Variants in FRMD5 observed in about 807,000 individuals in gnomAD.
FRMD5 encodes FERM domain-containing protein 5.
FRMD5 carries 20 observed loss-of-function variants against 69.0 expected under a neutral mutation model. That is an observed-to-expected ratio of 0.29 (90% CI 0.20 to 0.42). The LOEUF is 0.42. Ranked by LOEUF, FRMD5 falls within the 10% of genes least tolerant of loss-of-function variation. The probability of loss-of-function intolerance (pLI) is 1.00; values close to 1 mark genes in which losing one functional copy is unlikely to be tolerated. For synonymous variants in FRMD5, 271 were observed against 260.1 expected, an observed-to-expected ratio of 1.04 and a Z score of -0.40; for missense variants, 595 against 708.6, an observed-to-expected ratio of 0.84 and a Z score of 1.82.
At chr15:44,030,749 G>C (rs1891643429) in intron 1 of FRMD5, among the ~76,000 whole-genome samples, 1 of 152,144 alleles carries the variant, frequency 6.6e-6, no homozygotes, top group Non-Finnish European at 1.5e-5. Context: ...GGCATGGTTT[G>C]ACTCTGTCTC....
intron 1 of FRMD5, among the ~76,000 whole-genome samples, chr15:44,068,285 G>T (rs557535003): frequency 6.6e-6 from 1 of 152,060 alleles, no homozygotes; most frequent in Admixed American, 6.6e-5. Context: ...ACAAACTTGC[G>T]CACAAATGTT....
At chr15:43,916,476 G>A (rs1438814590) in intron 4 of FRMD5, among the ~76,000 whole-genome samples, 1 of 152,186 alleles carries the variant, frequency 6.6e-6, no homozygotes, top group Non-Finnish European at 1.5e-5. Flanking sequence ...ATCTGGCAAC[G>A]AAATATTGAG....
At chr15:43,951,850 C>T (rs770159108) in intron 1 of FRMD5, among the ~76,000 whole-genome samples, 11 of 152,110 alleles carry the variant, frequency 7.2e-5, no homozygotes, top group Admixed American at 2.0e-4. Context: ...TGAAAATGAA[C>T]GAACAACAAC....
chr15:44,105,836 T>C (rs1038480739), intron 1 of FRMD5, among the ~76,000 whole-genome samples: 28 of 152,138 alleles, frequency 1.8e-4, no homozygotes, highest in Admixed American at 1.8e-3. Flanking sequence ...ACCACACAAT[T>C]TCTTCTTATT....
intron 1 of FRMD5, among the ~76,000 whole-genome samples, chr15:43,986,729 T>TA (rs930346091): frequency 2.0e-5 from 3 of 151,610 alleles, no homozygotes; most frequent in East Asian, 1.9e-4. Flanking sequence ...TTTTTTTTTT[T>TA]TATAAATACG....
chr15:44,169,159 T>C (rs999507317), intron 1 of FRMD5, among the ~76,000 whole-genome samples: 4 of 152,222 alleles, frequency 2.6e-5, no homozygotes, highest in African/African-American at 9.7e-5. Flanking sequence ...TTTACTCTAT[T>C]CACCTCCCCA....
intron 1 of FRMD5, among the ~76,000 whole-genome samples, chr15:43,999,224 C>T (rs1053574441): frequency 6.6e-6 from 1 of 152,034 alleles, no homozygotes; most frequent in African/African-American, 2.4e-5. Flanking sequence ...TGTGCCACCA[C>T]GCCTGGCTAA....
At chr15:44,140,628 C>G (rs1424128854) in intron 1 of FRMD5, among the ~76,000 whole-genome samples, 1 of 151,966 alleles carries the variant, frequency 6.6e-6, no homozygotes, top group Non-Finnish European at 1.5e-5. Context: ...CCTGTAATCC[C>G]AGCACTTTAG....
At chr15:44,019,827 G>T (rs75848249) in intron 1 of FRMD5, among the ~76,000 whole-genome samples, 2 of 150,952 alleles carry the variant, frequency 1.3e-5, no homozygotes, top group Admixed American at 1.3e-4. Context: ...TCCTTGGCAC[G>T]GTGTCTAATA....
chr15:44,058,801 AG>A (rs1459486302), intron 1 of FRMD5, among the ~76,000 whole-genome samples: 8 of 123,040 alleles, frequency 6.5e-5, no homozygotes, highest in East Asian at 2.5e-4. Context: ...AAAAAAAAAA[AG>A]AAGAAGAAGA....
At chr15:43,990,568 G>C (rs1406040024) in intron 1 of FRMD5, among the ~76,000 whole-genome samples, 1 of 152,116 alleles carries the variant, frequency 6.6e-6, no homozygotes, top group Non-Finnish European at 1.5e-5. Flanking sequence ...TATAGAGTCA[G>C]CTAGCATGGT....
rs374785596 is a variant in FRMD5, at chr15:44,156,630, T to C, written c.102+38323A>G. On this transcript the variant is annotated intron_variant, in intron 1 of 13. Transcript: ENST00000417257. The stretch of plus-strand genomic sequence containing the variant: ...GGAACATATATATGATCTAAGAAAG[T>C]TGAGGAATACCTATTAGACCCAGAT... Among the ~76,000 whole-genome samples the C allele has an allele frequency of 5.3e-5, 8 of 152,322 alleles. No homozygotes were observed. In the South Asian group the frequency reaches 6.2e-4, roughly 12 times the overall value.
At chr15:44,175,577 GAC>G (rs1469835784) in intron 1 of FRMD5, among the ~76,000 whole-genome samples, 1 of 152,098 alleles carries the variant, frequency 6.6e-6, no homozygotes, top group African/African-American at 2.4e-5. Context: ...AAGGTAAACA[GAC>G]ACACATATAC....
At chr15:44,109,301 T>A (rs962092725) in intron 1 of FRMD5, among the ~76,000 whole-genome samples, 5 of 152,268 alleles carry the variant, frequency 3.3e-5, no homozygotes, top group Non-Finnish European at 7.4e-5. Flanking sequence ...ACATATAACA[T>A]AAAATTTACC....
At position 44,193,186 on chromosome 15, in the gene FRMD5, T is replaced by C. The variant is rs564171141; in HGVS notation, c.102+1767A>G. 2.0e-5 allele frequency among the ~76,000 whole-genome samples: 3 copies of C among 152,280 alleles called. No individual in the cohort carries two copies. In the East Asian group the frequency reaches 5.8e-4, roughly 29 times the overall value. ...AATCATTTCTAGCGAAATGGTGATG[T>C]GAATTGTGTTTTATTTGTATTCTAC... is the stretch of plus-strand genomic sequence containing the variant. On this transcript the variant is annotated intron_variant, in intron 1 of 13. Transcript: ENST00000417257.
At chr15:44,075,317 G>C (rs1335593706) in intron 1 of FRMD5, among the ~76,000 whole-genome samples, 1 of 151,970 alleles carries the variant, frequency 6.6e-6, no homozygotes, top group Non-Finnish European at 1.5e-5. Flanking sequence ...ATTCTAAAGT[G>C]GTGCCAATTT....
Position 43,905,927 on chromosome 15 carries a change from C to G in FRMD5, c.452G>C (p.Gly151Ala). 2 of 1,614,176 alleles carry G rather than the reference C, an allele frequency of 1.2e-6. No homozygotes were observed. Among genetic ancestry groups the G allele is most frequent in the Non-Finnish European group, 1.7e-6 (2 of 1,180,014 alleles). ...GGAGCTGTAGCCTTCAGGGTGTTTC[C>G]CTGAGTCATAATCCCCAATCTCCGC... is the stretch of plus-strand genomic sequence containing the variant. ...LQAEIGDYDS[G>A]KHPEGYSSKF... The change falls in exon 6 of 14, where the codon GGG becomes GCG. Residue 151 changes from glycine (G) to alanine (A), a missense_variant. Gly to Ala is a moderately conservative substitution (Grantham distance 60). Coordinates refer to ENST00000417257, the MANE Select transcript of FRMD5 (RefSeq NM_032892.5).
chr15:44,117,817 C>T (rs1197786914), intron 1 of FRMD5, among the ~76,000 whole-genome samples: 1 of 152,078 alleles, frequency 6.6e-6, no homozygotes, highest in Non-Finnish European at 1.5e-5. Context: ...GTCCAAGATA[C>T]TTATAACCTA....
chr15:44,089,747 G>A lies in FRMD5; in HGVS notation c.102+105206C>T, dbSNP rs1019687759. Among the ~76,000 whole-genome samples the A allele has an allele frequency of 4.6e-5, 7 of 152,094 alleles. No homozygotes were observed. In the South Asian group the frequency reaches 6.2e-4, roughly 14 times the overall value. Reference sequence around the variant, plus strand: ...TCCTAATAGAAGGCATTTTATTTGGGTGGTTTTCTGCAGTCAGAGCAAGCA... The same window carrying A: ...TCCTAATAGAAGGCATTTTATTTGGATGGTTTTCTGCAGTCAGAGCAAGCA... On this transcript the variant is annotated intron_variant, in intron 1 of 13. Transcript: ENST00000417257.
Sources: allele counts gnomAD v4.1 joint callset (sites outside exome capture counted in the v4.1 genomes callset), GRCh38; gene constraint gnomAD v4.1.1; transcripts MANE v1.5; gene names NCBI Gene and HGNC (gene_info 2026-07-23, HGNC 2026-07-21).